PTPRG: variants seen among roughly 807,000 people sequenced by gnomAD.
PTPRG encodes the protein protein tyrosine phosphatase receptor type G, also known as receptor-type tyrosine-protein phosphatase gamma.
A neutral mutation model predicts 165.3 loss-of-function variants in PTPRG; 102 were observed. The observed-to-expected ratio is 0.62, with a 90% CI of 0.53 to 0.73. The LOEUF is 0.73. Among genes scored for constraint, PTPRG ranks in the 30% least tolerant of loss-of-function variants. PTPRG has a pLI of 0.00. For missense variants in PTPRG, 1,866 were observed against 1,861.4 expected (o/e 1.00, Z -0.05); for synonymous variants, 675 against 669.5 (o/e 1.01, Z -0.13).
chr3:61,652,960 A>C (rs1265936121), intron 1 of PTPRG, among the ~76,000 whole-genome samples: 1 of 152,208 alleles, frequency 6.6e-6, no homozygotes, highest in African/African-American at 2.4e-5. Flanking sequence ...AATGCTATGG[A>C]GTGGAGATTT....
At chr3:61,854,875 T>C (rs961681952) in intron 2 of PTPRG, among the ~76,000 whole-genome samples, 1 of 152,230 alleles carries the variant, frequency 6.6e-6, no homozygotes, top group Admixed American at 6.5e-5. Context: ...TTAATAAAAT[T>C]GCATATTACA....
At chr3:62,006,385 TA>T (rs1235762406) in intron 4 of PTPRG, among the ~76,000 whole-genome samples, 1 of 152,224 alleles carries the variant, frequency 6.6e-6, no homozygotes, top group Non-Finnish European at 1.5e-5. Flanking sequence ...TAAGTTGCTT[TA>T]TTTGAGCTCT....
In PTPRG at chr3:61,730,881, T is replaced by C. The variant is rs188419408; in HGVS notation, c.86-17997T>C. ...CAGAGTGTTTGTGGCCATTGAAAGA[T>C]TGGGAACTGGATTTCTAGGTTACAA... On this transcript the variant is annotated intron_variant, in intron 1 of 29. Coordinates refer to ENST00000474889, the MANE Select transcript of PTPRG (RefSeq NM_002841.4). Among the ~76,000 whole-genome samples the C allele has an allele frequency of 3.0e-3, 458 of 152,358 alleles. 3 individuals carry two copies. The highest frequency in any genetic ancestry group is 0.01 in the African/African-American group (431 of 41,592).
intron 2 of PTPRG, among the ~76,000 whole-genome samples, chr3:61,773,805 T>A (rs2034285445): frequency 6.6e-6 from 1 of 151,876 alleles, no homozygotes; most frequent in Admixed American, 6.6e-5. Flanking sequence ...GACAGAGTCT[T>A]ACTCTGTCAC....
chr3:62,190,596 G>A lies in PTPRG; in HGVS notation c.1034-873G>A, dbSNP rs541900838. The stretch of plus-strand genomic sequence containing the variant: ...AGCCTGACTTTTCCTTACACCCCAC[G>A]TCAGGATAATTACACGGGGTTCTGC... On this transcript the variant is annotated intron_variant, in intron 8 of 29. Transcript: ENST00000474889. The surrounding 1 kb of genome is among the most constrained non-coding windows in gnomAD (Gnocchi z 5.2). 1.7e-3 allele frequency among the ~76,000 whole-genome samples: 252 copies of A among 152,236 alleles called. 1 individual carries two copies. The highest frequency in any genetic ancestry group is 2.9e-3 in the Non-Finnish European group (198 of 68,004).
At chr3:61,592,460 A>T (rs1051466465) in intron 1 of PTPRG, among the ~76,000 whole-genome samples, 1 of 152,112 alleles carries the variant, frequency 6.6e-6, no homozygotes, top group Non-Finnish European at 1.5e-5. Flanking sequence ...CACTGGGGGA[A>T]AAAAGGACTG....
rs11329820 is a variant in PTPRG, at chr3:61,820,603, G to GTTTTTT, written c.190+71642_190+71647dup. Among the ~76,000 whole-genome samples, 15 of 65,732 alleles carry GTTTTTT rather than the reference G, an allele frequency of 2.3e-4. 1 individual carries two copies. The highest frequency in any genetic ancestry group is 9.2e-4 in the East Asian group (2 of 2,178). 43.1% of individuals were successfully genotyped at this position (65,732 alleles called of 152,430 possible). ...TTTAATTTCTTGTTCCTGTGTCTCT[G>GTTTTTT]TTTTTTTTTTTTTTTTTTTTTTTTT... On this transcript the variant is annotated intron_variant, in intron 2 of 29. Transcript: ENST00000474889.
rs144789396 is a variant in PTPRG at position 61,632,286 on chromosome 3, G to A, written c.85+69914G>A. Among the ~76,000 whole-genome samples the A allele has an allele frequency of 4.0e-5, 6 of 150,616 alleles. No homozygotes were observed. The East Asian group carries it at 1.2e-3, about 29-fold the overall frequency. On this transcript the variant is annotated intron_variant, in intron 1 of 29. Coordinates refer to ENST00000474889, the MANE Select transcript of PTPRG (RefSeq NM_002841.4). Reference sequence around the variant, plus strand: ...ATTGTGCCATTGCACTCCAGTCTGGGTGACAGAGTGAGACCCTGTTACACA... The same window carrying A: ...ATTGTGCCATTGCACTCCAGTCTGGATGACAGAGTGAGACCCTGTTACACA...
rs72878143 is a variant in PTPRG at position 62,245,172 on chromosome 3, G to A, written c.2467+1274G>A. On this transcript the variant is annotated intron_variant, in intron 15 of 29. Coordinates refer to ENST00000474889, the MANE Select transcript of PTPRG (RefSeq NM_002841.4). The surrounding 1 kb of genome is among the most constrained non-coding windows in gnomAD (Gnocchi z 4.2). ...TGGCTGCTAAACTAATTCTCATAAA[G>A]ATAGGATAAGTTTTGTGTTACTGTG... Among the ~76,000 whole-genome samples the A allele has an allele frequency of 0.056, 8,537 of 152,234 alleles. 290 individuals carry two copies. Among genetic ancestry groups the A allele is most frequent in the Non-Finnish European group, 0.075 (5,110 of 68,010 alleles).
intron 2 of PTPRG, among the ~76,000 whole-genome samples, chr3:61,953,575 T>A (rs746078588): frequency 6.6e-5 from 10 of 152,092 alleles, no homozygotes; most frequent in Non-Finnish European, 1.2e-4. Context: ...TAAATGTGAT[T>A]GTTGTGGTGG....
At chr3:62,007,600 G>T (rs1311177634) in intron 4 of PTPRG, among the ~76,000 whole-genome samples, 1 of 152,150 alleles carries the variant, frequency 6.6e-6, no homozygotes, top group Admixed American at 6.5e-5. Context: ...GGTACACAAA[G>T]ATAAGTCAGA....
chr3:62,131,376 G>T (rs1436523499), intron 5 of PTPRG, among the ~76,000 whole-genome samples: 1 of 152,202 alleles, frequency 6.6e-6, no homozygotes, highest in African/African-American at 2.4e-5. Context: ...AGTGTGTGCA[G>T]TGTGTGTTAT....
chr3:62,121,862 T>C (rs148867238), intron 5 of PTPRG, among the ~76,000 whole-genome samples: 1 of 152,310 alleles, frequency 6.6e-6, no homozygotes, highest in African/African-American at 2.4e-5. Context: ...GGGAACAAAC[T>C]TTCTGGTTTT....
chr3:61,673,649 A>C (rs942074637), intron 1 of PTPRG, among the ~76,000 whole-genome samples: 1 of 152,194 alleles, frequency 6.6e-6, no homozygotes, highest in Non-Finnish European at 1.5e-5. Flanking sequence ...TGTTACATGC[A>C]TAGATTATGG....
chr3:61,844,246 G>A (rs1269858864), intron 2 of PTPRG, among the ~76,000 whole-genome samples: 1 of 152,146 alleles, frequency 6.6e-6, no homozygotes, highest in Non-Finnish European at 1.5e-5. Context: ...TTACAGGCGT[G>A]AGCCACCACG....
At chr3:62,209,625 T>C (rs527360725) in intron 12 of PTPRG, among the ~76,000 whole-genome samples, 2 of 152,262 alleles carry the variant, frequency 1.3e-5, no homozygotes, top group South Asian at 4.2e-4. Context: ...TCTAGAGAAA[T>C]GTTTTCTTTA....
intron 2 of PTPRG, among the ~76,000 whole-genome samples, chr3:61,815,984 C>T (rs957613778): frequency 6.6e-6 from 1 of 152,164 alleles, no homozygotes; most frequent in Non-Finnish European, 1.5e-5. Flanking sequence ...GAAAATATTA[C>T]TACAAGTGAA....
rs142344437 is a variant in PTPRG at position 62,166,500 on chromosome 3, T to C, written c.841-1471T>C. On this transcript the variant is annotated intron_variant, in intron 7 of 29. Transcript: ENST00000474889. ...TAAGGCATGCACCATTATGCCTGGC[T>C]AATTTTTGTATTTTTAGTAGAGACA... 6.7e-3 allele frequency among the ~76,000 whole-genome samples: 1,016 copies of C among 151,602 alleles called. 14 individuals are homozygous for C. Among genetic ancestry groups the C allele is most frequent in the African/African-American group, 0.024 (984 of 41,258 alleles).
intron 7 of PTPRG, among the ~76,000 whole-genome samples, chr3:62,163,243 A>G (rs1704838143): frequency 6.6e-6 from 1 of 151,902 alleles, no homozygotes; most frequent in Admixed American, 6.6e-5. Context: ...AAACTATATC[A>G]GTGACCTTGG....
Sources: allele counts gnomAD v4.1 joint callset (sites outside exome capture counted in the v4.1 genomes callset), GRCh38; gene constraint gnomAD v4.1.1; non-coding constraint Gnocchi (gnomAD v3.1); transcripts MANE v1.5; gene names NCBI Gene and HGNC (gene_info 2026-07-23, HGNC 2026-07-21).